Variants in CDH4 observed in about 807,000 individuals in gnomAD.
CDH4 encodes the protein cadherin-4.
Under a neutral mutation model 86.0 loss-of-function variants are expected in CDH4, and 33 were observed. That is an observed-to-expected ratio of 0.38 (90% CI 0.29 to 0.51). The LOEUF is 0.51. CDH4 is among the 20% of genes least tolerant of loss of function. The pLI, the probability that CDH4 is intolerant of heterozygous loss-of-function variation, is 0.86. For synonymous variants in CDH4, 555 were observed against 549.4 expected, an observed-to-expected ratio of 1.01 and a Z score of -0.14; for missense variants, 1,114 against 1,307.4, an observed-to-expected ratio of 0.85 and a Z score of 2.28.
chr20:61,529,832 TTTTTC>T (rs997155615), intron 2 of CDH4, among the ~76,000 whole-genome samples: 8 of 152,090 alleles, frequency 5.3e-5, no homozygotes, highest in African/African-American at 9.7e-5. Flanking sequence ...ATCAGTGTAA[TTTTTC>T]TTTTCTTTTC....
At chr20:61,855,753 C>T (rs1394283795) in intron 6 of CDH4, among the ~76,000 whole-genome samples, 1 of 152,250 alleles carries the variant, frequency 6.6e-6, no homozygotes, top group African/African-American at 2.4e-5. Context: ...CCCGGCTGCC[C>T]GGCCATTTGC....
At chr20:61,512,014 A>T (rs1600721239) in intron 2 of CDH4, among the ~76,000 whole-genome samples, 1 of 152,272 alleles carries the variant, frequency 6.6e-6, no homozygotes, top group African/African-American at 2.4e-5. Context: ...TAGGCCGAGA[A>T]CACCCTCCAT....
chr20:61,521,502 G>A (rs1389502385), intron 2 of CDH4, among the ~76,000 whole-genome samples: 1 of 152,290 alleles, frequency 6.6e-6, no homozygotes, highest in South Asian at 2.1e-4. Flanking sequence ...CCGTGGGACG[G>A]CACACCACAG....
chr20:61,258,332 A>AAAAAAAAAAG (rs2084110848), intron 2 of CDH4, among the ~76,000 whole-genome samples: 7 of 132,472 alleles, frequency 5.3e-5, no homozygotes, highest in Non-Finnish European at 8.0e-5. Context: ...TCCGTCTCAA[A>AAAAAAAAAAG]AAAAAAAAAA....
intron 2 of CDH4, among the ~76,000 whole-genome samples, chr20:61,635,085 C>T (rs565987386): frequency 5.9e-5 from 9 of 152,308 alleles, no homozygotes; most frequent in Non-Finnish European, 7.3e-5. Flanking sequence ...GTGATGTGAA[C>T]GGTGCTGCTG....
At chr20:61,320,086 C>T (rs1302379748) in intron 2 of CDH4, among the ~76,000 whole-genome samples, 3 of 152,034 alleles carry the variant, frequency 2.0e-5, no homozygotes, top group Admixed American at 6.5e-5. Context: ...ATAATTTTTG[C>T]AAAATTGCTC....
chr20:61,604,667 T>A (rs946880575), intron 2 of CDH4, among the ~76,000 whole-genome samples: 5 of 152,098 alleles, frequency 3.3e-5, no homozygotes, highest in Non-Finnish European at 1.5e-5. Flanking sequence ...CCTGCACACA[T>A]TTGAGAGCAC....
At chr20:61,288,712 T>TC (rs2084305862) in intron 2 of CDH4, among the ~76,000 whole-genome samples, 1 of 152,210 alleles carries the variant, frequency 6.6e-6, no homozygotes, top group Non-Finnish European at 1.5e-5. Flanking sequence ...GCTCCAGACC[T>TC]CACAGCACAT....
intron 2 of CDH4, among the ~76,000 whole-genome samples, chr20:61,549,275 T>G (rs1030056193): frequency 3.3e-5 from 5 of 152,298 alleles, no homozygotes; most frequent in African/African-American, 1.2e-4. Flanking sequence ...TGGAGTTTTA[T>G]GGGCATAAAC....
At chr20:61,704,081 C>T (rs1197866820) in intron 2 of CDH4, among the ~76,000 whole-genome samples, 1 of 151,968 alleles carries the variant, frequency 6.6e-6, no homozygotes, top group Non-Finnish European at 1.5e-5. Flanking sequence ...CAGCAGAATT[C>T]CCCGTCTTGG....
At chr20:61,728,838 A>G (rs2088144410) in intron 2 of CDH4, among the ~76,000 whole-genome samples, 1 of 152,174 alleles carries the variant, frequency 6.6e-6, no homozygotes, top group Non-Finnish European at 1.5e-5. Context: ...ACTTCTCCAC[A>G]CCGTTAAATG....
At chr20:61,361,561 C>T (rs1031546420) in intron 2 of CDH4, among the ~76,000 whole-genome samples, 11 of 152,116 alleles carry the variant, frequency 7.2e-5, no homozygotes, top group Non-Finnish European at 1.5e-4. Flanking sequence ...GCTTTGGTTC[C>T]GAAAAGGAAG....
intron 2 of CDH4, among the ~76,000 whole-genome samples, chr20:61,332,964 C>T (rs1186016120): frequency 1.3e-5 from 2 of 152,216 alleles, no homozygotes; most frequent in Admixed American, 1.3e-4. Context: ...ACAGCATTAT[C>T]CTAAAACAAA....
At chr20:61,342,122 A>G (rs1395380947) in intron 2 of CDH4, among the ~76,000 whole-genome samples, 4 of 152,132 alleles carry the variant, frequency 2.6e-5, no homozygotes, top group Non-Finnish European at 5.9e-5. Flanking sequence ...CTGGGACAGC[A>G]ATGATTGAAA....
chr20:61,456,913 T>C (rs757967553), intron 2 of CDH4, among the ~76,000 whole-genome samples: 1 of 152,192 alleles, frequency 6.6e-6, no homozygotes, highest in Non-Finnish European at 1.5e-5. Context: ...ATGCTGGGAA[T>C]GAGAAGCTTG....
At chr20:61,635,497 C>A (rs1416270793) in intron 2 of CDH4, among the ~76,000 whole-genome samples, 1 of 152,212 alleles carries the variant, frequency 6.6e-6, no homozygotes, top group East Asian at 1.9e-4. Flanking sequence ...TGAAGGCAGA[C>A]CTTCAGGGTC....
intron 2 of CDH4, among the ~76,000 whole-genome samples, chr20:61,287,599 T>C (rs904321915): frequency 6.6e-6 from 1 of 151,860 alleles, no homozygotes; most frequent in African/African-American, 2.4e-5. Context: ...GGCACAGGGG[T>C]GGGGTGGGAG....
At position 61,406,382 on chromosome 20, in the gene CDH4, C is replaced by T. The variant is rs190396613; in HGVS notation, c.169+151445C>T. On this transcript the variant is annotated intron_variant, in intron 2 of 15. Coordinates refer to ENST00000614565, the MANE Select transcript of CDH4 (RefSeq NM_001794.5). ...ACCACCATCTGCCATCTGCTCTGCCCGGACCACTGTCTGCTCTGCCCAGAC... is the reference window on the plus strand; with the variant it reads ...ACCACCATCTGCCATCTGCTCTGCCTGGACCACTGTCTGCTCTGCCCAGAC... 8.6e-4 allele frequency among the ~76,000 whole-genome samples: 126 copies of T among 146,972 alleles called. 1 individual carries two copies. The highest frequency in any genetic ancestry group is 2.8e-3 in the African/African-American group (113 of 39,802).
chr20:61,638,962 T>C lies in CDH4; in HGVS notation c.170-104601T>C, dbSNP rs2145798675. ...CCAATAGTCACTCATGGCGTTGTGATAACGGAATGAATGACGCCATGTGGA... is the reference window on the plus strand; with the variant it reads ...CCAATAGTCACTCATGGCGTTGTGACAACGGAATGAATGACGCCATGTGGA... On this transcript the variant is annotated intron_variant, in intron 2 of 15. Transcript: ENST00000614565. Among the ~76,000 whole-genome samples, 3 of 152,260 alleles carry C rather than the reference T, an allele frequency of 2.0e-5. 1 individual carries two copies. Among genetic ancestry groups the C allele is most frequent in the Middle Eastern group, 3.4e-3 (1 of 294 alleles).
Sources: allele counts gnomAD v4.1 joint callset (sites outside exome capture counted in the v4.1 genomes callset), GRCh38; gene constraint gnomAD v4.1.1; transcripts MANE v1.5; gene names NCBI Gene and HGNC (gene_info 2026-07-23, HGNC 2026-07-21).